The following TMPRSS11A variants were observed in gnomAD, a reference collection of about 807,000 sequenced individuals.
TMPRSS11A encodes the protein transmembrane serine protease 11A.
In TMPRSS11A, 53 loss-of-function variants were observed where a neutral mutation model predicts 58.9. The observed-to-expected ratio is 0.90, with a 90% CI of 0.72 to 1.13. TMPRSS11A has a LOEUF of 1.13. Among genes scored for constraint, TMPRSS11A ranks in the 50% most tolerant of loss-of-function variants. The pLI, the probability that TMPRSS11A is intolerant of heterozygous loss-of-function variation, is 0.00. For missense variants in TMPRSS11A, 493 were observed against 499.3 expected, an observed-to-expected ratio of 0.99 and a Z score of 0.12; for synonymous variants, 167 against 169.8, an observed-to-expected ratio of 0.98 and a Z score of 0.13.
At chr4:67,931,922 T>G in intron 4 of TMPRSS11A, 71 bp downstream of exon 4, 118 of 902,428 alleles carry the variant, frequency 1.3e-4, no homozygotes, top group Non-Finnish European at 2.0e-4. Context: ...ATACAATACA[T>G]GAGAGTCCCT....
At chr4:67,938,678 T>C (rs1041650937) in intron 3 of TMPRSS11A, among the ~76,000 whole-genome samples, 1 of 152,156 alleles carries the variant, frequency 6.6e-6, no homozygotes, top group Non-Finnish European at 1.5e-5. Context: ...TCTCTCCCCA[T>C]TGCTTATTTT....
At chr4:67,913,345 T>C (rs922203608) in intron 9 of TMPRSS11A, among the ~76,000 whole-genome samples, 10 of 152,190 alleles carry the variant, frequency 6.6e-5, no homozygotes, top group African/African-American at 2.4e-4. Flanking sequence ...TTCTGTTGTA[T>C]CAGACTAGGC....
intron 3 of TMPRSS11A, among the ~76,000 whole-genome samples, chr4:67,934,187 T>C (rs1244356605): frequency 6.6e-6 from 1 of 152,220 alleles, no homozygotes; most frequent in African/African-American, 2.4e-5. Flanking sequence ...CTTAGAATCT[T>C]TAGGTGATAC....
chr4:67,950,426 TATTGGGGAAGCCCAGGCTCTTTAAAA>T (rs1721128845), intron 1 of TMPRSS11A, among the ~76,000 whole-genome samples: 2 of 152,222 alleles, frequency 1.3e-5, no homozygotes, highest in Admixed American at 1.3e-4. Context: ...TGAATCTCTC[TATTGGGGAAGCCCAGGCTCTTTAAAA>T]ATGTCATCCG....
At chr4:67,921,320 G>C (rs1720324166) in intron 7 of TMPRSS11A, among the ~76,000 whole-genome samples, 1 of 152,120 alleles carries the variant, frequency 6.6e-6, no homozygotes, top group African/African-American at 2.4e-5. Flanking sequence ...AATTTATGTA[G>C]ATTATTTTTA....
rs1720249134 is a variant in TMPRSS11A, at chr4:67,919,147, T to C, written c.778A>G (p.Ile260Val). Reference protein sequence around the residue: ...LMKRNVRRFIIHEKYRSAARE... With the variant: ...LMKRNVRRFIVHEKYRSAARE... ...GCTGCAGAGCGGTACTTCTCATGGATAATAAATCTTCTGACATTTCTTTTC... is the reference window on the plus strand; with the variant it reads ...GCTGCAGAGCGGTACTTCTCATGGACAATAAATCTTCTGACATTTCTTTTC... Residue 260 changes from isoleucine to valine, a missense_variant, in exon 8 of 10, where the codon ATC becomes GTC. Coordinates refer to ENST00000508048, the MANE Select transcript of TMPRSS11A (RefSeq NM_001114387.2). 1 of 1,614,198 alleles carries C rather than the reference T, an allele frequency of 6.2e-7. No individual in the cohort carries two copies. The highest frequency in any genetic ancestry group is 1.7e-5 in the Admixed American group (1 of 60,030).
At chr4:67,915,729 C>T (rs185165821) in intron 8 of TMPRSS11A, among the ~76,000 whole-genome samples, 20 of 152,230 alleles carry the variant, frequency 1.3e-4, no homozygotes, top group African/African-American at 4.6e-4. Context: ...AGGAATTCTG[C>T]CAGCAAACCT....
intron 1 of TMPRSS11A, among the ~76,000 whole-genome samples, chr4:67,949,904 A>T (rs1467560788): frequency 6.6e-6 from 1 of 152,172 alleles, no homozygotes; most frequent in Non-Finnish European, 1.5e-5. Flanking sequence ...CATATTAGTC[A>T]TTTGTGTAAT....
intron 8 of TMPRSS11A, among the ~76,000 whole-genome samples, chr4:67,917,908 C>T (rs1056916776): frequency 5.9e-5 from 9 of 152,124 alleles, no homozygotes; most frequent in African/African-American, 1.7e-4. Flanking sequence ...AATTAATAAA[C>T]CATAGGTAAT....
At chr4:67,940,790 G>A (rs968661594) in intron 3 of TMPRSS11A, among the ~76,000 whole-genome samples, 3 of 152,142 alleles carry the variant, frequency 2.0e-5, no homozygotes, top group African/African-American at 7.2e-5. Flanking sequence ...TTTTGAACAT[G>A]CAACACATGA....
chr4:67,930,507 G>A (rs1720585937), intron 4 of TMPRSS11A, among the ~76,000 whole-genome samples: 1 of 151,966 alleles, frequency 6.6e-6, no homozygotes, highest in African/African-American at 2.4e-5. Flanking sequence ...ATTTTGAGTT[G>A]AAATATGTCT....
intron 1 of TMPRSS11A, among the ~76,000 whole-genome samples, chr4:67,960,019 G>A (rs1267234958): frequency 6.6e-6 from 1 of 152,152 alleles, no homozygotes; most frequent in Non-Finnish European, 1.5e-5. Flanking sequence ...CAGCAACATA[G>A]ATGAAGCTGG....
At chr4:67,918,649 C>T (rs1720223819) in intron 8 of TMPRSS11A, among the ~76,000 whole-genome samples, 1 of 152,052 alleles carries the variant, frequency 6.6e-6, no homozygotes, top group African/African-American at 2.4e-5. Context: ...TGAATGAAGA[C>T]AATATAGAGA....
chr4:67,933,379 C>T (rs1304663141), intron 3 of TMPRSS11A, among the ~76,000 whole-genome samples: 2 of 152,094 alleles, frequency 1.3e-5, no homozygotes, highest in Admixed American at 1.3e-4. Flanking sequence ...CTGTAGGGTC[C>T]GCCTCTTCCC....
chr4:67,941,581 G>A (rs1720880315), intron 3 of TMPRSS11A, among the ~76,000 whole-genome samples: 1 of 152,014 alleles, frequency 6.6e-6, no homozygotes, highest in African/African-American at 2.4e-5. Context: ...TTCCTTTTCT[G>A]CAAGACCCAG....
Position 67,930,829 on chromosome 4 carries a change from T to TTTTTTA in TMPRSS11A, c.321-790_321-789insTAAAAA, listed in dbSNP as rs1265700805. On this transcript the variant is annotated intron_variant, in intron 4 of 9. Transcript: ENST00000508048. ...TCTCCTTTTTTTTTTTTTTTTTTTT[T>TTTTTTA]ACAAAAAAAAAAAAAACTGTGAAAA... is the stretch of plus-strand genomic sequence containing the variant. Among the ~76,000 whole-genome samples the TTTTTTA allele has an allele frequency of 5.0e-3, 447 of 89,574 alleles. 2 individuals carry two copies. The highest frequency in any genetic ancestry group is 0.02 in the East Asian group (39 of 1,932). The allele number at this position is 89,574 out of a possible 152,430, so 58.8% of individuals were successfully genotyped here.
At chr4:67,960,832 G>A (rs1292408590) in intron 1 of TMPRSS11A, among the ~76,000 whole-genome samples, 1 of 152,184 alleles carries the variant, frequency 6.6e-6, no homozygotes, top group South Asian at 2.1e-4. Context: ...TGATGAGGAA[G>A]AGGAGAATTC....
At chr4:67,950,605 G>A (rs952406967) in intron 1 of TMPRSS11A, among the ~76,000 whole-genome samples, 1 of 152,154 alleles carries the variant, frequency 6.6e-6, no homozygotes, top group African/African-American at 2.4e-5. Flanking sequence ...GTACACCGGA[G>A]GGGGGAATCT....
intron 5 of TMPRSS11A, among the ~76,000 whole-genome samples, chr4:67,925,998 A>G (rs1313259675): frequency 6.6e-6 from 1 of 152,222 alleles, no homozygotes; most frequent in Non-Finnish European, 1.5e-5. Context: ...ATAAACATTA[A>G]CACTTTAGTT....
Sources: allele counts gnomAD v4.1 joint callset (sites outside exome capture counted in the v4.1 genomes callset), GRCh38; gene constraint gnomAD v4.1.1; transcripts MANE v1.5; gene names NCBI Gene and HGNC (gene_info 2026-07-23, HGNC 2026-07-21).